The following ARMH3 variants were observed in gnomAD, a reference collection of about 807,000 sequenced individuals.
ARMH3 encodes armadillo like helical domain containing 3.
Under a neutral mutation model 99.1 loss-of-function variants are expected in ARMH3, and 60 were observed. The ratio of observed to expected loss-of-function variants is 0.61; its 90% CI spans 0.49 to 0.75. ARMH3 has a LOEUF of 0.75. ARMH3 is among the 30% of genes least tolerant of loss of function. The pLI is 0.00. For synonymous variants in ARMH3, 285 were observed against 292.8 expected (o/e 0.97, Z 0.27); for missense variants, 679 against 843.1 (o/e 0.81, Z 2.41).
intron 4 of ARMH3, among the ~76,000 whole-genome samples, chr10:102,032,590 G>C (rs1018627678): frequency 6.6e-6 from 1 of 151,954 alleles, no homozygotes; most frequent in Non-Finnish European, 1.5e-5. Context: ...TAGTAGAGGT[G>C]GGTTTCACCA....
intron 2 of ARMH3, among the ~76,000 whole-genome samples, chr10:102,035,666 G>A (rs1281562212): frequency 1.3e-5 from 2 of 152,364 alleles, no homozygotes; most frequent in East Asian, 1.9e-4. Flanking sequence ...TCGGCCTCCC[G>A]AGGTGCCGGG....
intron 24 of ARMH3, among the ~76,000 whole-genome samples, chr10:101,872,497 G>A (rs1031943005): frequency 6.6e-6 from 1 of 152,092 alleles, no homozygotes; most frequent in Non-Finnish European, 1.5e-5. Flanking sequence ...AGGAGTTCAA[G>A]ACCAGCCTGA....
At chr10:102,045,563 A>T (rs1327683267) in intron 1 of ARMH3, among the ~76,000 whole-genome samples, 2 of 152,230 alleles carry the variant, frequency 1.3e-5, no homozygotes, top group Non-Finnish European at 2.9e-5. Context: ...TGTTCAGGAA[A>T]CAGAAATGCC....
Position 101,955,490 on chromosome 10 carries a change from T to C in ARMH3, c.1705+1107A>G, listed in dbSNP as rs551419610. On this transcript the variant is annotated intron_variant, in intron 22 of 25. Coordinates refer to ENST00000370033, the MANE Select transcript of ARMH3 (RefSeq NM_024541.3). ...TTCTCTTATAAAGTTCTCTTAAAAGTTTTCCTTCACTTCTCTAAAAAATAA... is the reference window on the plus strand; with the variant it reads ...TTCTCTTATAAAGTTCTCTTAAAAGCTTTCCTTCACTTCTCTAAAAAATAA... Among the ~76,000 whole-genome samples the C allele has an allele frequency of 2.0e-5, 3 of 152,290 alleles. No individual in the cohort carries two copies. The South Asian group carries it at 6.2e-4, about 32-fold the overall frequency.
chr10:102,009,942 G>T (rs376292943), intron 12 of ARMH3, 35 bp downstream of exon 12: 1 of 1,600,864 alleles, frequency 6.2e-7, no homozygotes, highest in Non-Finnish European at 8.6e-7. Context: ...CCACACTAAA[G>T]TCCAAGTCAC....
At chr10:102,022,619 C>T (rs1477332439) in intron 8 of ARMH3, among the ~76,000 whole-genome samples, 1 of 149,054 alleles carries the variant, frequency 6.7e-6, no homozygotes, top group Non-Finnish European at 1.5e-5. Context: ...CTCACTCTGT[C>T]GCCCAGGCTG....
At chr10:101,866,659 A>G (rs1285086613) in intron 24 of ARMH3, among the ~76,000 whole-genome samples, 2 of 152,176 alleles carry the variant, frequency 1.3e-5, no homozygotes, top group African/African-American at 2.4e-5. Context: ...TATAGACTCT[A>G]ATGTGATTAG....
chr10:101,980,795 A>G (rs1368557891), intron 19 of ARMH3, among the ~76,000 whole-genome samples: 1 of 152,232 alleles, frequency 6.6e-6, no homozygotes, highest in East Asian at 1.9e-4. Flanking sequence ...AATAGCTAAG[A>G]CATGGAACCA....
chr10:102,053,214 T>TAAAAAAAAAA (rs1191838493), intron 1 of ARMH3, among the ~76,000 whole-genome samples: 7 of 49,006 alleles, frequency 1.4e-4, no homozygotes, highest in Admixed American at 2.4e-4. Context: ...CCTCAGAAGC[T>TAAAAAAAAAA]AAAAAAAAAA....
intron 23 of ARMH3, among the ~76,000 whole-genome samples, chr10:101,907,072 C>G (rs1842660479): frequency 6.6e-6 from 1 of 152,168 alleles, no homozygotes; most frequent in Non-Finnish European, 1.5e-5. Flanking sequence ...TTTCGTAACA[C>G]TAGTCTTCAG....
At chr10:102,028,727 A>AG (rs2067056432) in intron 5 of ARMH3, among the ~76,000 whole-genome samples, 2 of 152,204 alleles carry the variant, frequency 1.3e-5, no homozygotes, top group Admixed American at 1.3e-4. Context: ...ATGCTTGCCA[A>AG]GGGTTGAGAA....
intron 15 of ARMH3, among the ~76,000 whole-genome samples, chr10:101,996,396 G>A (rs928607883): frequency 6.6e-6 from 1 of 152,136 alleles, no homozygotes; most frequent in Non-Finnish European, 1.5e-5. Flanking sequence ...ACAATTAGAT[G>A]GCATAATGGG....
chr10:102,040,080 C>T lies in ARMH3; in HGVS notation c.35G>A (p.Arg12Gln), dbSNP rs760692194. ...TGGTTTTTTGGAGGCTGAAGATTTC[C>T]GGAGCAAACCTCCACGTTTCTCTAC... The part of the protein sequence containing the change: ...AQVEKRGGLL[R>Q]KSSASKKPLK... The change falls in exon 2 of 26, where the codon CGG becomes CAG. Residue 12 changes from arginine (R) to glutamine (Q), a missense_variant. Coordinates refer to ENST00000370033, the MANE Select transcript of ARMH3 (RefSeq NM_024541.3). 24 of 1,614,102 alleles carry T rather than the reference C, an allele frequency of 1.5e-5. No homozygotes were observed. Among genetic ancestry groups the T allele is most frequent in the Non-Finnish European group, 2.0e-5 (24 of 1,180,008 alleles).
intron 23 of ARMH3, among the ~76,000 whole-genome samples, chr10:101,890,892 T>G (rs1156871265): frequency 6.7e-6 from 1 of 150,318 alleles, no homozygotes; most frequent in Non-Finnish European, 1.5e-5. Context: ...TTTTTTTTTT[T>G]GAGACAGGGT....
At chr10:101,882,067 A>G (rs2067433637) in intron 24 of ARMH3, among the ~76,000 whole-genome samples, 1 of 152,190 alleles carries the variant, frequency 6.6e-6, no homozygotes, top group South Asian at 2.1e-4. Context: ...GCCCTTTTGT[A>G]TCCCTCAAAT....
At chr10:101,975,049 TAA>T (rs11399489) in intron 20 of ARMH3, among the ~76,000 whole-genome samples, 161 bp downstream of exon 20, 3 of 29,664 alleles carry the variant, frequency 1.0e-4, no homozygotes, top group African/African-American at 1.4e-4. Context: ...AGCTAAAACG[TAA>T]AAAAAAAAAA....
chr10:102,030,641 G>A (rs912444743), intron 4 of ARMH3, among the ~76,000 whole-genome samples: 16 of 152,166 alleles, frequency 1.1e-4, no homozygotes, highest in Non-Finnish European at 1.8e-4. Flanking sequence ...CCCAGGAGAC[G>A]GATGTTGCAG....
Position 101,849,851 on chromosome 10 carries a change from C to T in ARMH3, c.1902G>A (p.Leu634=), listed in dbSNP as rs2066546987. The change falls in exon 25 of 26, where the codon CTG becomes CTA. Residue 634 remains leucine, a synonymous_variant. Coordinates refer to ENST00000370033, the MANE Select transcript of ARMH3 (RefSeq NM_024541.3). ...ACTGGTCCAGGCCATCCTGCAGCTT[C>T]AGCGTGAGCGTGTCATAGTTGGCTC... The part of the protein sequence containing the change: ...VVRANYDTLT[L]KLQDGLDQYE... The T allele has an allele frequency of 2.5e-6, 4 of 1,614,180 alleles. No individual in the cohort carries two copies. In the East Asian group the frequency reaches 6.7e-5, roughly 27 times the overall value.
intron 23 of ARMH3, among the ~76,000 whole-genome samples, chr10:101,923,760 C>T (rs1043975453): frequency 2.0e-5 from 3 of 152,100 alleles, no homozygotes; most frequent in South Asian, 2.1e-4. Context: ...CCCTCTGTTG[C>T]GGTTTTGGGA....
Sources: gnomAD v4.1 joint callset for allele counts (sites outside exome capture counted in the v4.1 genomes callset) on GRCh38, gnomAD v4.1.1 for gene constraint, MANE v1.5 for transcripts, NCBI Gene and HGNC (gene_info 2026-07-23, HGNC 2026-07-21) for gene names.